Variants in TCF20 observed in about 807,000 individuals in gnomAD.
The protein encoded by TCF20 is SPRE-binding protein.
Under a neutral mutation model 148.6 loss-of-function variants are expected in TCF20, and 3 were observed. The ratio of observed to expected loss-of-function variants is 0.02; its 90% CI spans 0.01 to 0.05. TCF20 has a LOEUF of 0.05. Among genes scored for constraint, TCF20 ranks in the 10% least tolerant of loss-of-function variants. The probability of loss-of-function intolerance (pLI) is 1.00; values close to 1 mark genes in which losing one functional copy is unlikely to be tolerated. For missense variants in TCF20, 2,350 were observed against 2,429.3 expected, an observed-to-expected ratio of 0.97 and a Z score of 0.69; for synonymous variants, 1,049 against 909.5, an observed-to-expected ratio of 1.15 and a Z score of -2.76.
chr22:42,248,194 T>A (rs1324768201), intron 1 of TCF20, among the ~76,000 whole-genome samples: 2 of 152,152 alleles, frequency 1.3e-5, no homozygotes, highest in African/African-American at 4.8e-5. Context: ...CTGCCTGGGC[T>A]CAGGTGGGCA....
chr22:42,183,992 C>T (rs952892227), intron 2 of TCF20, among the ~76,000 whole-genome samples: 1 of 152,186 alleles, frequency 6.6e-6, no homozygotes, highest in Non-Finnish European at 1.5e-5. Flanking sequence ...TAGTCTTGAA[C>T]TCCTGATCTC....
intron 1 of TCF20, among the ~76,000 whole-genome samples, chr22:42,242,218 A>AAAAAAAAAAAAAAAAAAAC (rs1555942526): frequency 4.2e-5 from 6 of 142,582 alleles, no homozygotes; most frequent in African/African-American, 8.3e-5. Flanking sequence ...AAAAAAAAAA[A>AAAAAAAAAAAAAAAAAAAC]AAAAAAAAAC....
intron 1 of TCF20, among the ~76,000 whole-genome samples, chr22:42,335,131 C>A (rs2147060826): frequency 6.6e-6 from 1 of 152,204 alleles, no homozygotes; most frequent in South Asian, 2.1e-4. Flanking sequence ...ATCAGCTCAG[C>A]CCCAGCAAAG....
intron 1 of TCF20, among the ~76,000 whole-genome samples, chr22:42,280,595 G>A (rs778338830): frequency 6.6e-6 from 1 of 152,172 alleles, no homozygotes; most frequent in Non-Finnish European, 1.5e-5. Context: ...ACATAGTTAG[G>A]CAACTAGAAC....
rs59980541 is a variant in TCF20 at position 42,338,171 on chromosome 22, G to A, written c.-37+5308C>T. Among the ~76,000 whole-genome samples the A allele has an allele frequency of 2.2e-4, 33 of 152,290 alleles. No homozygotes were observed. The highest frequency in any genetic ancestry group is 7.5e-4 in the African/African-American group (31 of 41,570). On this transcript the variant is annotated intron_variant, in intron 1 of 1. Coordinates refer to the TCF20 transcript ENST00000515426. This position sits in a 1 kb window ranked among gnomAD's most constrained non-coding sequence, Gnocchi z 4.0. ...CACGCGTCCCCTGAGATCCCCCACCGCCCTGGATGTTCACGGTTCTGCAGC... is the reference window on the plus strand; with the variant it reads ...CACGCGTCCCCTGAGATCCCCCACCACCCTGGATGTTCACGGTTCTGCAGC...
At chr22:42,242,618 G>T (rs141648800) in intron 1 of TCF20, among the ~76,000 whole-genome samples, 1,840 of 151,728 alleles carry the variant, frequency 0.012, 35 homozygotes, top group African/African-American at 0.042. Flanking sequence ...CAGGCGAGGT[G>T]GCTCACACCT....
chr22:42,312,638 C>T (rs892244255), intron 1 of TCF20, among the ~76,000 whole-genome samples: 3 of 152,092 alleles, frequency 2.0e-5, no homozygotes, highest in Non-Finnish European at 4.4e-5. Flanking sequence ...GCTGTGGGGA[C>T]AGACAGACCT....
intron 1 of TCF20, among the ~76,000 whole-genome samples, chr22:42,232,569 C>G (rs1187492387): frequency 6.6e-6 from 1 of 152,000 alleles, no homozygotes; most frequent in African/African-American, 2.4e-5. Context: ...GGCTCACGCC[C>G]GTAATCCCAG....
intron 2 of TCF20, among the ~76,000 whole-genome samples, chr22:42,198,163 G>T (rs777224961): frequency 6.6e-6 from 1 of 152,166 alleles, no homozygotes; most frequent in Non-Finnish European, 1.5e-5. Context: ...AGAAATCACA[G>T]ATTAGAATGA....
intron 1 of TCF20, among the ~76,000 whole-genome samples, chr22:42,218,008 T>C (rs1265883457): frequency 1.3e-5 from 2 of 152,214 alleles, no homozygotes; most frequent in Non-Finnish European, 2.9e-5. Context: ...AAAGGAAACT[T>C]CTCATCCTAT....
intron 1 of TCF20, among the ~76,000 whole-genome samples, chr22:42,341,151 GC>G (rs1483986060): frequency 6.6e-6 from 1 of 152,146 alleles, no homozygotes; most frequent in Non-Finnish European, 1.5e-5. Context: ...TCTGCTCCTT[GC>G]CTTTCTGGGG....
intron 1 of TCF20, among the ~76,000 whole-genome samples, chr22:42,218,896 AAG>A (rs1472930613): frequency 7.0e-6 from 1 of 143,774 alleles, no homozygotes; most frequent in East Asian, 2.2e-4. Flanking sequence ...CTTTATGAAA[AAG>A]AAAAAAAAAA....
intron 1 of TCF20, among the ~76,000 whole-genome samples, chr22:42,306,949 G>C (rs1228238813): frequency 6.7e-6 from 1 of 149,940 alleles, no homozygotes; most frequent in Non-Finnish European, 1.5e-5. Flanking sequence ...TGAGGCACGA[G>C]AATCGCTTGA....
At chr22:42,283,783 G>A (rs1926966853) in intron 1 of TCF20, among the ~76,000 whole-genome samples, 1 of 151,940 alleles carries the variant, frequency 6.6e-6, no homozygotes, top group Non-Finnish European at 1.5e-5. Context: ...GCACGCCAGA[G>A]CAAACTTTCA....
intron 1 of TCF20, among the ~76,000 whole-genome samples, chr22:42,220,669 T>C (rs1333456290): frequency 1.3e-5 from 2 of 152,074 alleles, no homozygotes. Context: ...GAACGGACAA[T>C]GGAAGGACAA....
At chr22:42,239,736 G>A (rs1314664093) in intron 1 of TCF20, among the ~76,000 whole-genome samples, 2 of 152,144 alleles carry the variant, frequency 1.3e-5, no homozygotes, top group Admixed American at 6.5e-5. Flanking sequence ...GTAGTGAGCC[G>A]AGATGGCGCC....
intron 2 of TCF20, among the ~76,000 whole-genome samples, chr22:42,180,715 G>A (rs776911249): frequency 1.3e-5 from 2 of 152,150 alleles, no homozygotes; most frequent in Admixed American, 1.3e-4. Context: ...CCAAGCGCTC[G>A]CCACGCTCAG....
chr22:42,192,821 C>G (rs562921983), intron 2 of TCF20, among the ~76,000 whole-genome samples: 1 of 152,200 alleles, frequency 6.6e-6, no homozygotes, highest in Non-Finnish European at 1.5e-5. Context: ...GAAGGAAAAA[C>G]TACGTCCACA....
At chr22:42,257,207 A>G (rs559663070) in intron 1 of TCF20, among the ~76,000 whole-genome samples, 2 of 152,258 alleles carry the variant, frequency 1.3e-5, no homozygotes, top group East Asian at 3.9e-4. Flanking sequence ...CATTCCTTAC[A>G]GGGCAGGCGG....
Sources: gnomAD v4.1 joint callset for allele counts (sites outside exome capture counted in the v4.1 genomes callset) on GRCh38, gnomAD v4.1.1 for gene constraint, Gnocchi (gnomAD v3.1) non-coding constraint, MANE v1.5 for transcripts, NCBI Gene and HGNC (gene_info 2026-07-23, HGNC 2026-07-21) for gene names.